WWOX: variants seen among roughly 807,000 people sequenced by gnomAD.
The protein encoded by WWOX is WW domain containing oxidoreductase.
In WWOX, 69 loss-of-function variants were observed where a neutral mutation model predicts 46.2. The observed-to-expected ratio is 1.49, with a 90% confidence interval of 1.23 to 1.82. The LOEUF is 1.82. Ranked by LOEUF, WWOX falls within the 40% of genes most tolerant of loss-of-function variation. WWOX has a pLI of 0.00. For synonymous variants in WWOX, 359 were observed against 202.6 expected, an observed-to-expected ratio of 1.77 and a Z score of -6.56; for missense variants, 919 against 542.6, an observed-to-expected ratio of 1.69 and a Z score of -6.89.
intron 8 of WWOX, among the ~76,000 whole-genome samples, chr16:78,967,329 A>C (rs960840888): frequency 3.7e-5 from 4 of 108,424 alleles, no homozygotes. Flanking sequence ...TCACTCTGTC[A>C]CCCAGGCTGG....
At chr16:78,659,909 A>T (rs911084932) in intron 8 of WWOX, among the ~76,000 whole-genome samples, 11 of 152,158 alleles carry the variant, frequency 7.2e-5, no homozygotes, top group Admixed American at 6.5e-4. Context: ...CCGCCTTCTC[A>T]TCCCAAGGGC....
chr16:78,917,628 T>C (rs2045282922), intron 8 of WWOX, among the ~76,000 whole-genome samples: 2 of 152,152 alleles, frequency 1.3e-5, no homozygotes, highest in African/African-American at 4.8e-5. Context: ...ACTTGAACTT[T>C]CCCACTCATT....
chr16:79,037,062 G>C (rs2047881108), intron 8 of WWOX, among the ~76,000 whole-genome samples: 1 of 152,068 alleles, frequency 6.6e-6, no homozygotes, highest in African/African-American at 2.4e-5. Flanking sequence ...AAGAATGCAG[G>C]GCTCTTCCTC....
chr16:78,654,447 C>T (rs1345361130), intron 8 of WWOX, among the ~76,000 whole-genome samples: 1 of 152,076 alleles, frequency 6.6e-6, no homozygotes, highest in Non-Finnish European at 1.5e-5. Flanking sequence ...TAGTAATGAA[C>T]AAAACAGATG....
chr16:78,480,969 C>T (rs28361497), intron 8 of WWOX, among the ~76,000 whole-genome samples: 1,828 of 152,278 alleles, frequency 0.012, 31 homozygotes, highest in African/African-American at 0.041. Flanking sequence ...AAGAAAAGAG[C>T]AGGATTGGTA....
chr16:78,710,391 G>A (rs1440033833), intron 8 of WWOX, among the ~76,000 whole-genome samples: 2 of 146,790 alleles, frequency 1.4e-5, no homozygotes, highest in Non-Finnish European at 3.0e-5. Context: ...AGAGCCTTCC[G>A]CATCTGCTAT....
intron 5 of WWOX, among the ~76,000 whole-genome samples, chr16:78,363,356 C>A (rs1478380602): frequency 2.6e-5 from 4 of 151,818 alleles, no homozygotes; most frequent in African/African-American, 9.7e-5. Context: ...CCACTCCAGC[C>A]CCAAACTCCC....
intron 8 of WWOX, among the ~76,000 whole-genome samples, chr16:78,750,267 C>T (rs776210765): frequency 1.4e-4 from 21 of 152,140 alleles, no homozygotes; most frequent in African/African-American, 4.8e-4. Context: ...TATTCAGAGG[C>T]TCAGTTTCTC....
At chr16:79,176,679 T>C (rs185045700) in intron 8 of WWOX, among the ~76,000 whole-genome samples, 1 of 152,294 alleles carries the variant, frequency 6.6e-6, no homozygotes, top group East Asian at 1.9e-4. Flanking sequence ...CTGGCATAGT[T>C]TGGAGGTCTT....
intron 4 of WWOX, among the ~76,000 whole-genome samples, chr16:78,124,728 T>A (rs995093244): frequency 3.3e-5 from 5 of 152,182 alleles, no homozygotes; most frequent in African/African-American, 1.2e-4. Context: ...TCTAATTGTT[T>A]TAAGTCTTTG....
intron 8 of WWOX, among the ~76,000 whole-genome samples, chr16:78,465,967 G>A (rs928816612): frequency 3.3e-5 from 5 of 152,160 alleles, no homozygotes; most frequent in Non-Finnish European, 1.5e-5. Context: ...CGCATCGGTG[G>A]TTTCTGGGGC....
intron 8 of WWOX, among the ~76,000 whole-genome samples, chr16:79,094,595 G>A (rs1349146626): frequency 6.6e-6 from 1 of 151,814 alleles, no homozygotes; most frequent in African/African-American, 2.4e-5. Flanking sequence ...ACAACAAACT[G>A]CATCAGAGTA....
At chr16:78,561,764 C>A (rs1479676748) in intron 8 of WWOX, among the ~76,000 whole-genome samples, 3 of 152,164 alleles carry the variant, frequency 2.0e-5, no homozygotes, top group Non-Finnish European at 2.9e-5. Flanking sequence ...CACGGCTTCA[C>A]CTGTGAGCCG....
intron 8 of WWOX, among the ~76,000 whole-genome samples, chr16:78,474,224 C>G (rs74029639): frequency 0.04 from 6,085 of 152,188 alleles, 285 homozygotes; most frequent in African/African-American, 0.11. Flanking sequence ...TGTTAGAAAA[C>G]AGTTTTATGT....
At chr16:78,486,773 T>C (rs2084648110) in intron 8 of WWOX, among the ~76,000 whole-genome samples, 1 of 152,174 alleles carries the variant, frequency 6.6e-6, no homozygotes, top group Non-Finnish European at 1.5e-5. Context: ...AAGGGTTTAC[T>C]GTCTTGGCCA....
At chr16:78,258,431 C>T (rs1597410734) in intron 5 of WWOX, among the ~76,000 whole-genome samples, 1 of 152,024 alleles carries the variant, frequency 6.6e-6, no homozygotes, top group Non-Finnish European at 1.5e-5. Context: ...ATGCCTTCAG[C>T]GATGATCTTT....
intron 8 of WWOX, among the ~76,000 whole-genome samples, chr16:78,452,312 CT>C (rs1303671306): frequency 1.3e-5 from 2 of 152,114 alleles, no homozygotes; most frequent in Non-Finnish European, 2.9e-5. Context: ...TTTTTTTTTA[CT>C]GTCATATGAT....
rs537439780 is a variant in WWOX at position 78,260,211 on chromosome 16, G to T, written c.516+95922G>T. Among the ~76,000 whole-genome samples, 283 of 151,588 alleles carry T rather than the reference G, an allele frequency of 1.9e-3. 6 individuals are homozygous for T. The highest frequency in any genetic ancestry group is 3.6e-3 in the Non-Finnish European group (241 of 67,876). On this transcript the variant is annotated intron_variant, in intron 5 of 8. Transcript: ENST00000566780. The stretch of plus-strand genomic sequence containing the variant: ...GGGACCCAGGTGAACAGGGTCTGGA[G>T]TAGACCCCCAGCAAACTACAGCAGT...
At chr16:78,980,898 G>T (rs1464301076) in intron 8 of WWOX, among the ~76,000 whole-genome samples, 1 of 152,206 alleles carries the variant, frequency 6.6e-6, no homozygotes, top group Non-Finnish European at 1.5e-5. Flanking sequence ...ATGTAGAGGT[G>T]ATGGTATCTC....
Sources: allele counts gnomAD v4.1 joint callset (sites outside exome capture counted in the v4.1 genomes callset), GRCh38; gene constraint gnomAD v4.1.1; transcripts MANE v1.5; gene names NCBI Gene and HGNC (gene_info 2026-07-23, HGNC 2026-07-21).